RIMS2: variants seen among roughly 807,000 people sequenced by gnomAD.
RIMS2 encodes regulating synaptic membrane exocytosis 2, also known as regulating synaptic membrane exocytosis protein 2.
A neutral mutation model predicts 174.4 loss-of-function variants in RIMS2; 59 were observed. The ratio of observed to expected loss-of-function variants is 0.34; its 90% CI spans 0.27 to 0.42. The LOEUF (loss-of-function observed/expected upper bound fraction) is 0.42. RIMS2 is among the 10% of genes least tolerant of loss of function. The pLI is 1.00. For synonymous variants in RIMS2, 606 were observed against 572.5 expected (o/e 1.06, Z -0.84); for missense variants, 1,620 against 1,666.3 (o/e 0.97, Z 0.48).
chr8:104,216,960 A>G (rs2099132595), intron 19 of RIMS2, among the ~76,000 whole-genome samples: 1 of 152,230 alleles, frequency 6.6e-6, no homozygotes, highest in South Asian at 2.1e-4. Context: ...AAATGAGACA[A>G]TGCATGTGAA....
intron 11 of RIMS2, among the ~76,000 whole-genome samples, chr8:103,928,511 T>C (rs1471011064): frequency 6.6e-6 from 1 of 151,494 alleles, no homozygotes; most frequent in Non-Finnish European, 1.5e-5. Flanking sequence ...GTACAAGTTG[T>C]TTGCCTCTTT....
chr8:103,664,928 A>T (rs537686423), intron 1 of RIMS2, among the ~76,000 whole-genome samples: 7 of 152,346 alleles, frequency 4.6e-5, no homozygotes, highest in East Asian at 3.9e-4. Context: ...CATATACACC[A>T]TGGAATACTA....
intron 1 of RIMS2, among the ~76,000 whole-genome samples, chr8:103,540,238 G>A (rs544580195): frequency 5.3e-5 from 8 of 152,254 alleles, no homozygotes; most frequent in East Asian, 1.9e-4. Flanking sequence ...GCTCATAAGC[G>A]AGACCCAACA....
intron 1 of RIMS2, among the ~76,000 whole-genome samples, chr8:103,531,078 A>AT (rs1403200300): frequency 6.6e-6 from 1 of 151,400 alleles, no homozygotes; most frequent in African/African-American, 2.4e-5. Context: ...GATCAAGCAG[A>AT]TAAAAAATTA....
chr8:103,502,112 T>G (rs7842148), intron 1 of RIMS2, among the ~76,000 whole-genome samples: 10,021 of 152,278 alleles, frequency 0.066, 1,090 homozygotes, highest in African/African-American at 0.23. Context: ...TTACTTGAAA[T>G]GAGTTATTCA....
chr8:103,868,161 C>T (rs1565004765), intron 3 of RIMS2, among the ~76,000 whole-genome samples: 1 of 151,844 alleles, frequency 6.6e-6, no homozygotes, highest in Non-Finnish European at 1.5e-5. Flanking sequence ...TTTTAGCAGT[C>T]TTGGTTGGAT....
intron 19 of RIMS2, among the ~76,000 whole-genome samples, chr8:104,114,332 G>T (rs1467192244): frequency 6.6e-6 from 1 of 151,688 alleles, no homozygotes; most frequent in Non-Finnish European, 1.5e-5. Context: ...TCGATTTGTG[G>T]TTATTACACA....
intron 2 of RIMS2, among the ~76,000 whole-genome samples, chr8:103,706,648 G>A (rs1009929140): frequency 9.9e-5 from 15 of 152,032 alleles, no homozygotes; most frequent in Admixed American, 2.6e-4. Context: ...CTGCTGCTAC[G>A]TCTGCAGCCA....
intron 9 of RIMS2, chr8:103,921,002 GCAACAACAACAA>G (rs112922890): frequency 2.0e-3 from 401 of 196,080 alleles, no homozygotes; most frequent in South Asian, 3.7e-3. Context: ...CTGTCTCAAA[GCAACAACAACAA>G]CAACAACAAC....
intron 1 of RIMS2, among the ~76,000 whole-genome samples, chr8:103,630,719 A>T (rs2095897067): frequency 6.6e-6 from 1 of 152,132 alleles, no homozygotes. Context: ...GATGTGCCAA[A>T]AACAGTATAG....
At position 103,988,022 on chromosome 8, in the gene RIMS2, C is replaced by T. The variant is rs375385101; in HGVS notation, c.2928-1283C>T. Among the ~76,000 whole-genome samples, 378 of 152,186 alleles carry T rather than the reference C, an allele frequency of 2.5e-3. 1 individual carries two copies. Among genetic ancestry groups the T allele is most frequent in the Admixed American group, 4.4e-3 (68 of 15,298 alleles). On this transcript the variant is annotated intron_variant, in intron 16 of 23. Coordinates refer to ENST00000504942, the Ensembl canonical transcript of RIMS2. ...TTAATTTATAAATCTAATGCCATAA[C>T]AATCAAAAGTTTGTGTGCAATTTTA...
At chr8:104,186,548 G>A (rs2098968932) in intron 19 of RIMS2, among the ~76,000 whole-genome samples, 1 of 151,732 alleles carries the variant, frequency 6.6e-6, no homozygotes, top group Admixed American at 6.6e-5. Context: ...AAACAGTTGG[G>A]GAGAATTAGT....
chr8:103,514,918 C>CAA (rs58870326), intron 1 of RIMS2, among the ~76,000 whole-genome samples: 8 of 150,096 alleles, frequency 5.3e-5, no homozygotes, highest in African/African-American at 2.0e-4. Context: ...ACAACAACAA[C>CAA]AAAAAAACAA....
chr8:103,921,045 C>A (rs955662838), intron 9 of RIMS2: 3 of 207,142 alleles, frequency 1.4e-5, no homozygotes, highest in African/African-American at 5.0e-5. Flanking sequence ...ACAACAACAA[C>A]AAAAACAGGT....
At position 103,590,584 on chromosome 8, in the gene RIMS2, C is replaced by T. The variant is rs534814192; in HGVS notation, c.176+89522C>T. 3.7e-5 allele frequency among the ~76,000 whole-genome samples: 5 copies of T among 134,172 alleles called. No individual in the cohort carries two copies. The East Asian group carries it at 1.0e-3, about 27-fold the overall frequency. The allele number at this position is 134,172 out of a possible 152,430, so 88.0% of individuals were successfully genotyped here. On this transcript the variant is annotated intron_variant, in intron 1 of 23. Transcript: ENST00000504942. ...TTTATAGTGAACACCCATATACCCA[C>T]CATCTAGATGTTACAATTAACATTT...
chr8:103,537,283 C>CTA (rs946396814), intron 1 of RIMS2, among the ~76,000 whole-genome samples: 5 of 152,112 alleles, frequency 3.3e-5, no homozygotes, highest in Non-Finnish European at 7.4e-5. Context: ...TCTACAAATG[C>CTA]TATATGGTTA....
chr8:103,946,406 C>T (rs1171346963), intron 14 of RIMS2, among the ~76,000 whole-genome samples: 6 of 152,018 alleles, frequency 3.9e-5, no homozygotes, highest in South Asian at 2.1e-4. Context: ...GCAGGATAAT[C>T]GCTTGAACTT....
At chr8:103,780,554 C>G (rs1302036567) in intron 3 of RIMS2, among the ~76,000 whole-genome samples, 1 of 151,810 alleles carries the variant, frequency 6.6e-6, no homozygotes, top group East Asian at 1.9e-4. Context: ...TTCAGTTCAG[C>G]CAATGTATTT....
intron 1 of RIMS2, among the ~76,000 whole-genome samples, chr8:103,543,171 G>T (rs755485361): frequency 6.6e-6 from 1 of 152,090 alleles, no homozygotes; most frequent in African/African-American, 2.4e-5. Flanking sequence ...ATTCACTAAG[G>T]TTGCAGGATA....
Sources: allele counts gnomAD v4.1 joint callset (sites outside exome capture counted in the v4.1 genomes callset), GRCh38; gene constraint gnomAD v4.1.1; transcripts MANE v1.5; gene names NCBI Gene and HGNC (gene_info 2026-07-23, HGNC 2026-07-21).